The following FRY variants were observed in gnomAD, a reference collection of about 807,000 sequenced individuals.
FRY encodes protein furry homolog.
In FRY, 128 loss-of-function variants were observed where a neutral mutation model predicts 348.4. The observed-to-expected ratio is 0.37, with a 90% confidence interval of 0.32 to 0.43. The LOEUF (loss-of-function observed/expected upper bound fraction) is 0.43. Among genes scored for constraint, FRY ranks in the 20% least tolerant of loss-of-function variants. The probability of loss-of-function intolerance (pLI) is 1.00; values close to 1 mark genes in which losing one functional copy is unlikely to be tolerated. For missense variants in FRY, 2,736 were observed against 3,695.2 expected (o/e 0.74, Z 6.73); for synonymous variants, 1,370 against 1,374.7 (o/e 1.00, Z 0.08).
chr13:32,121,038 C>T (rs1275320504), intron 4 of FRY, among the ~76,000 whole-genome samples: 1 of 152,198 alleles, frequency 6.6e-6, no homozygotes, highest in Non-Finnish European at 1.5e-5. Context: ...TTTTCCATTC[C>T]TGAGTTACTT....
chr13:32,194,945 G>A (rs186805180), intron 29 of FRY, among the ~76,000 whole-genome samples: 6 of 152,140 alleles, frequency 3.9e-5, no homozygotes, highest in East Asian at 1.9e-4. Context: ...AAACCAGCTC[G>A]TTTATTTTTG....
rs1884044058 is a variant in FRY, at chr13:32,201,792, G to C, written c.3747-149G>C. 9.3e-6 allele frequency: 6 copies of C among 646,686 alleles called. No homozygotes were observed. The South Asian group carries it at 1.0e-4, about 11-fold the overall frequency. 40.1% of individuals were successfully genotyped at this position (646,686 alleles called of 1,614,324 possible). A position where few individuals can be genotyped will look rare whatever the true frequency, so the allele number is the denominator to read the frequency against. On this transcript the variant is annotated intron_variant, in intron 29 of 60. Coordinates refer to ENST00000542859, the MANE Select transcript of FRY (RefSeq NM_023037.3). ...CTTTATCTACTGATAAATAGCAAAAGAAGGAAGCAAAAAATGGCCAGACGG... is the reference window on the plus strand; with the variant it reads ...CTTTATCTACTGATAAATAGCAAAACAAGGAAGCAAAAAATGGCCAGACGG...
intron 29 of FRY, among the ~76,000 whole-genome samples, chr13:32,201,037 G>T (rs1006239321): frequency 1.3e-5 from 2 of 152,162 alleles, no homozygotes; most frequent in Non-Finnish European, 2.9e-5. Context: ...AAATCCTGTA[G>T]TGCTTCTCTG....
chr13:32,143,213 A>G (rs887030075), intron 11 of FRY, among the ~76,000 whole-genome samples: 7 of 152,214 alleles, frequency 4.6e-5, no homozygotes, highest in Non-Finnish European at 1.0e-4. Context: ...TAAATGCAGG[A>G]AAGTAAAAAA....
Position 32,227,607 on chromosome 13 carries a change from T to A in FRY, c.5207-849T>A, listed in dbSNP as rs139777575. Among the ~76,000 whole-genome samples the A allele has an allele frequency of 3.1e-3, 476 of 152,346 alleles. 2 individuals carry two copies. Among genetic ancestry groups the A allele is most frequent in the African/African-American group, 0.01 (425 of 41,580 alleles). On this transcript the variant is annotated intron_variant, in intron 39 of 60. Transcript: ENST00000542859. ...AGTATTTGCTTATGCCATATTTCTT[T>A]GAATACCATAAAACATATTCTATTA...
At chr13:32,084,993 T>G (rs1875765370) in intron 2 of FRY, among the ~76,000 whole-genome samples, 1 of 152,142 alleles carries the variant, frequency 6.6e-6, no homozygotes, top group African/African-American at 2.4e-5. Context: ...AATGAAACAT[T>G]AATATAATAG....
intron 2 of FRY, among the ~76,000 whole-genome samples, chr13:32,089,640 T>A (rs1394673557): frequency 6.6e-6 from 1 of 152,134 alleles, no homozygotes; most frequent in Non-Finnish European, 1.5e-5. Context: ...CCAGGCGTGG[T>A]GGCACATGCC....
intron 54 of FRY, 96 bp downstream of exon 54, chr13:32,265,712 G>A (rs1481137630): frequency 8.0e-7 from 1 of 1,243,806 alleles, no homozygotes; most frequent in Non-Finnish European, 1.2e-6. Flanking sequence ...GCACTGCTGG[G>A]ACATCCTAAT....
intron 1 of FRY, among the ~76,000 whole-genome samples, chr13:32,055,503 C>G (rs999122720): frequency 6.6e-6 from 1 of 152,170 alleles, no homozygotes; most frequent in Non-Finnish European, 1.5e-5. Flanking sequence ...TTTAAAAAGA[C>G]AAATTCTAGC....
chr13:32,070,416 G>A lies in FRY; in HGVS notation c.71-8418G>A, dbSNP rs142082116. On this transcript the variant is annotated intron_variant, in intron 1 of 60. Transcript: ENST00000542859. ...TTTTTAATGATTGCCATTCTAACTG[G>A]CATGAGATGGTATCTCATTATGGTT... is the stretch of plus-strand genomic sequence containing the variant. Among the ~76,000 whole-genome samples, 808 of 152,248 alleles carry A rather than the reference G, an allele frequency of 5.3e-3. 4 individuals carry two copies. The highest frequency in any genetic ancestry group is 7.6e-3 in the Non-Finnish European group (518 of 68,016).
Position 32,276,482 on chromosome 13 carries a change from C to G in FRY, c.8305C>G (p.Leu2769Val). Residue 2769 changes from leucine (L) to valine (V), a missense_variant, in exon 57 of 61, where the codon CTG (leucine) becomes GTG (valine). Transcript: ENST00000542859. Reference protein sequence around the residue: ...DAETLLSCGLLDKLKFSVLEL... With the variant: ...DAETLLSCGLVDKLKFSVLEL... Reference sequence around the variant, plus strand: ...TCTTTAGCTCCTTTCATGTGGACTTCTGGACAAGCTCAAGTTCAGTGTGTT... The same window carrying G: ...TCTTTAGCTCCTTTCATGTGGACTTGTGGACAAGCTCAAGTTCAGTGTGTT... 1 of 1,597,240 alleles carries G rather than the reference C, an allele frequency of 6.3e-7. No individual in the cohort carries two copies. Among genetic ancestry groups the G allele is most frequent in the Non-Finnish European group, 8.6e-7 (1 of 1,164,614 alleles).
chr13:32,227,907 A>T (rs973140031), intron 39 of FRY, among the ~76,000 whole-genome samples: 2 of 152,078 alleles, frequency 1.3e-5, no homozygotes, highest in Non-Finnish European at 1.5e-5. Flanking sequence ...GCCGACCACC[A>T]CGCTCGGCTA....
intron 11 of FRY, among the ~76,000 whole-genome samples, chr13:32,142,628 C>T (rs977166979): frequency 3.3e-5 from 5 of 152,120 alleles, no homozygotes; most frequent in African/African-American, 1.2e-4. Context: ...CATACAAGTG[C>T]AAGATATTTA....
At chr13:32,214,618 T>C (rs1424835724) in intron 35 of FRY, among the ~76,000 whole-genome samples, 1 of 152,182 alleles carries the variant, frequency 6.6e-6, no homozygotes, top group Admixed American at 6.5e-5. Context: ...AAGTGTTTAT[T>C]TGGTAAGTGA....
At chr13:32,278,402 A>G in intron 57 of FRY, 63 bp from the exon 58 acceptor site, 1 of 879,508 alleles carries the variant, frequency 1.1e-6, no homozygotes, top group Non-Finnish European at 2.0e-6. Flanking sequence ...TAATGGAATT[A>G]TACCAAAAAT....
chr13:32,153,365 A>G (rs1593673669), intron 14 of FRY, among the ~76,000 whole-genome samples: 1 of 152,218 alleles, frequency 6.6e-6, no homozygotes, highest in East Asian at 1.9e-4. Flanking sequence ...TTTAGCAATA[A>G]AAATGCACAA....
rs568220073 is a variant in FRY, at chr13:32,178,412, C to G, written c.2657C>G (p.Ser886Trp). Reference protein sequence around the residue: ...AWPYAFTRLQSVMPLVDPNSP... With the variant: ...AWPYAFTRLQWVMPLVDPNSP... ...CCTTATGCCTTCACTCGGCTCCAGT[C>G]GGTGATGCCTCTGGTGGACCCAAAG... The change falls in exon 21 of 61, where the codon TCG becomes TGG. Residue 886 changes from serine (S) to tryptophan (W), a missense_variant. This residue lies in a region of FRY where 449 missense variants were observed against 576.9 expected (regional missense o/e 0.78). Transcript: ENST00000542859. The G allele has an allele frequency of 6.2e-7, 1 of 1,614,086 alleles. No homozygotes were observed. Among genetic ancestry groups the G allele is most frequent in the East Asian group, 2.2e-5 (1 of 44,878 alleles).
At chr13:32,226,382 T>G (rs1294865243) in intron 39 of FRY, among the ~76,000 whole-genome samples, 1 of 152,180 alleles carries the variant, frequency 6.6e-6, no homozygotes, top group East Asian at 1.9e-4. Flanking sequence ...TGCCTTCTAG[T>G]GCCCATGAAG....
chr13:32,061,621 A>G (rs910022662), intron 1 of FRY, among the ~76,000 whole-genome samples: 2 of 152,220 alleles, frequency 1.3e-5, no homozygotes, highest in African/African-American at 4.8e-5. Context: ...TAAACATTGC[A>G]GTAGGCCTAA....
Sources: gnomAD v4.1 joint callset for allele counts (sites outside exome capture counted in the v4.1 genomes callset) on GRCh38, gnomAD v4.1.1 for gene constraint, gnomAD v4.1.1 regional missense constraint, MANE v1.5 for transcripts, NCBI Gene and HGNC (gene_info 2026-07-23, HGNC 2026-07-21) for gene names.